ZBTB21: variants seen among roughly 807,000 people sequenced by gnomAD.
ZBTB21 encodes zinc finger and BTB domain containing 21.
Under a neutral mutation model 39.8 loss-of-function variants are expected in ZBTB21, and 10 were observed. That is an observed-to-expected ratio of 0.25 (90% CI 0.16 to 0.43). ZBTB21 has a LOEUF of 0.43. ZBTB21 is among the 20% of genes least tolerant of loss of function. The pLI, the probability that ZBTB21 is intolerant of heterozygous loss-of-function variation, is 1.00. For missense variants in ZBTB21, 1,221 were observed against 1,296.3 expected, an observed-to-expected ratio of 0.94 and a Z score of 0.89; for synonymous variants, 551 against 498.8, an observed-to-expected ratio of 1.10 and a Z score of -1.40.
chr21:41,992,773 C>G lies in ZBTB21; in HGVS notation c.1323G>C (p.Ser441=). 1.2e-6 allele frequency: 2 copies of G among 1,614,036 alleles called. No individual in the cohort carries two copies. The highest frequency in any genetic ancestry group is 1.7e-6 in the Non-Finnish European group (2 of 1,180,034). The change falls in exon 3 of 3, where the codon TCG becomes TCC. Residue 441 remains serine, a synonymous_variant. Coordinates refer to ENST00000310826, the MANE Select transcript of ZBTB21 (RefSeq NM_001098402.2). The surrounding 1 kb of genome is among the most constrained non-coding windows in gnomAD (Gnocchi z 4.1). ...CTCCCACAGTGACGCGGATGATGTC[C>G]GAGGGGTCCGACAGCGGGCTGCTGG... ...TEPSSPLSDP[S]DIIRVTVGDA... is the part of the protein sequence containing the mutation.
At chr21:41,999,991 G>A (rs936698643) in intron 2 of ZBTB21, among the ~76,000 whole-genome samples, 1 of 152,190 alleles carries the variant, frequency 6.6e-6, no homozygotes, top group South Asian at 2.1e-4. Flanking sequence ...ACAACAGAGG[G>A]TAGGTTATGG....
In ZBTB21 at chr21:41,991,581, C is replaced by A. The variant is rs553654791; in HGVS notation, c.2515G>T (p.Val839Phe). The stretch of plus-strand genomic sequence containing the variant: ...AACACGTTGTCGTCTTTTGTGGTGA[C>A]GATGTGGTTTACTTTGTTGGGCTCA... ...QPEPNKVNHI[V>F]TTKDDNVFSD... is the part of the protein sequence containing the mutation. The change falls in exon 3 of 3, where the codon GTC becomes TTC. Residue 839 changes from valine to phenylalanine, a missense_variant. Around this residue, in one of 4 missense-constraint regions of ZBTB21, gnomAD observed 523 missense variants for 542.5 expected, o/e 0.96. Transcript: ENST00000310826. The surrounding 1 kb of genome is among the most constrained non-coding windows in gnomAD (Gnocchi z 4.9). 1 of 1,614,128 alleles carries A rather than the reference C, an allele frequency of 6.2e-7. No individual in the cohort carries two copies. The highest frequency in any genetic ancestry group is 2.2e-5 in the East Asian group (1 of 44,874).
Position 41,993,435 on chromosome 21 carries a change from C to CA in ZBTB21, c.660dup (p.Glu221Ter). The CA allele has an allele frequency of 6.2e-7, 1 of 1,614,188 alleles. No individual in the cohort carries two copies. On this transcript the variant is annotated frameshift_variant, in exon 3 of 3. Transcript: ENST00000310826. LOFTEE classifies it low-confidence loss of function (END_TRUNC). ...GGATCATCCAAAGATCCAGAATGCT[C>CA]AAGAGACTTTGCATATACCACAGAA...
At position 42,007,935 on chromosome 21, in the gene ZBTB21, C is replaced by CT. The variant is rs1240148179; in HGVS notation, c.-79+2316dup. ...GACGATGATTCCCAAATCTGTATCT[C>CT]TGTTTAGACTCTTGAGGCTCCAGCC... On this transcript the variant is annotated intron_variant, in intron 1 of 2. Coordinates refer to ENST00000310826, the MANE Select transcript of ZBTB21 (RefSeq NM_001098402.2). The CT allele has an allele frequency of 2.0e-5, 3 of 152,308 alleles. No individual in the cohort carries two copies. In the East Asian group the frequency reaches 5.8e-4, roughly 29 times the overall value. 9.4% of individuals were successfully genotyped at this position (152,308 alleles called of 1,614,324 possible).
At position 41,992,146 on chromosome 21, in the gene ZBTB21, A is replaced by C. The variant is rs757366582; in HGVS notation, c.1950T>G (p.Ser650Arg). ...RRGKPGFQGQ[S>R]SSQAQQVIKR... is the part of the protein sequence containing the mutation. ...TGATGACTTGCTGTGCTTGGGAGCT[A>C]CTCTGTCCCTGAAAACCAGGCTTGC... The change falls in exon 3 of 3, where the codon AGT becomes AGG. Residue 650 changes from serine to arginine, a missense_variant. Physicochemically the swap from Ser to Arg is moderately radical, Grantham distance 110. This residue lies in a region of ZBTB21 where 523 missense variants were observed against 542.5 expected (regional missense o/e 0.96). Transcript: ENST00000310826. The surrounding 1 kb of genome is among the most constrained non-coding windows in gnomAD (Gnocchi z 4.1). 1.3e-5 allele frequency: 21 copies of C among 1,613,986 alleles called. No individual in the cohort carries two copies. Among genetic ancestry groups the C allele is most frequent in the Non-Finnish European group, 1.7e-5 (20 of 1,180,022 alleles).
At chr21:42,003,449 T>C (rs569086809) in intron 1 of ZBTB21, among the ~76,000 whole-genome samples, 102 of 152,238 alleles carry the variant, frequency 6.7e-4, no homozygotes, top group African/African-American at 2.3e-3. Flanking sequence ...AGCAATTAAT[T>C]TGGCCAGGGT....
intron 2 of ZBTB21, among the ~76,000 whole-genome samples, chr21:41,996,856 T>C (rs1456965983): frequency 6.6e-6 from 1 of 152,176 alleles, no homozygotes; most frequent in African/African-American, 2.4e-5. Flanking sequence ...AGTGAATAAA[T>C]CTCAGGAGAG....
chr21:42,000,982 T>G (rs982141766), intron 2 of ZBTB21, among the ~76,000 whole-genome samples: 1 of 152,194 alleles, frequency 6.6e-6, no homozygotes, highest in Non-Finnish European at 1.5e-5. Context: ...CAGCTAAAAT[T>G]TGGGTGTTTA....
chr21:41,992,017 T>C lies in ZBTB21; in HGVS notation c.2079A>G (p.Pro693=). 1 of 1,614,272 alleles carries C rather than the reference T, an allele frequency of 6.2e-7. No homozygotes were observed. Reference sequence around the variant, plus strand: ...TATTTACTCCAAGGGGTTTTTCTCCTGGATGCATTTTTATATGCTGCTTAA... The same window carrying C: ...TATTTACTCCAAGGGGTTTTTCTCCCGGATGCATTTTTATATGCTGCTTAA... ...SQFKQHIKMH[P]GEKPLGVNKV... is the part of the protein sequence containing the mutation. Residue 693 remains proline (P), a synonymous_variant, in exon 3 of 3, where the codon CCA becomes CCG. Transcript: ENST00000310826. The surrounding 1 kb of genome is among the most constrained non-coding windows in gnomAD (Gnocchi z 4.1).
At chr21:41,999,519 C>T (rs1050300316) in intron 2 of ZBTB21, among the ~76,000 whole-genome samples, 1 of 152,180 alleles carries the variant, frequency 6.6e-6, no homozygotes, top group Non-Finnish European at 1.5e-5. Flanking sequence ...CAGTTTACCT[C>T]GCCATAAAAT....
chr21:41,997,567 C>T (rs542171709), intron 2 of ZBTB21, among the ~76,000 whole-genome samples: 4 of 132,654 alleles, frequency 3.0e-5, no homozygotes, highest in South Asian at 2.4e-4. Flanking sequence ...CAGAGCAAGA[C>T]GTTGTCTCAA....
At chr21:42,009,882 G>C (rs373669936) in intron 1 of ZBTB21, among the ~76,000 whole-genome samples, 2 of 152,194 alleles carry the variant, frequency 1.3e-5, no homozygotes, top group South Asian at 2.1e-4. Context: ...CGTTTCAACC[G>C]CTCCGCGCGA....
Position 41,989,571 on chromosome 21 carries a change from G to GA in ZBTB21, c.*1323dup, listed in dbSNP as rs2065623345. The GA allele has an allele frequency of 1.3e-5, 2 of 152,012 alleles. No individual in the cohort carries two copies. Among genetic ancestry groups the GA allele is most frequent in the African/African-American group, 4.8e-5 (2 of 41,384 alleles). 9.4% of individuals were successfully genotyped at this position (152,012 alleles called of 1,614,324 possible). On this transcript the variant is annotated 3_prime_UTR_variant, in exon 3 of 3. Coordinates refer to ENST00000310826, the MANE Select transcript of ZBTB21 (RefSeq NM_001098402.2). ...CACATTGAACTTTGGATATCCTACT[G>GA]AAAGGCTTTCAATTACAAATTATAC... is the stretch of plus-strand genomic sequence containing the variant.
chr21:41,987,670 A>G lies in ZBTB21; in HGVS notation c.*3225T>C, dbSNP rs2065595990. The G allele has an allele frequency of 6.6e-6, 1 of 152,208 alleles. No individual in the cohort carries two copies. 9.4% of individuals were successfully genotyped at this position (152,208 alleles called of 1,614,324 possible). A position where few individuals can be genotyped will look rare whatever the true frequency, so the allele number is the denominator to read the frequency against. On this transcript the variant is annotated 3_prime_UTR_variant, in exon 3 of 3. Coordinates refer to ENST00000310826, the MANE Select transcript of ZBTB21 (RefSeq NM_001098402.2). ...AATTACTTTTTACTAAGAAACTTCA[A>G]ATAATTTTACTTCCTGAAGTTCCAG...
At position 41,991,625 on chromosome 21, in the gene ZBTB21, G is replaced by T; in HGVS notation, c.2471C>A (p.Ser824Ter). 1 of 1,614,188 alleles carries T rather than the reference G, an allele frequency of 6.2e-7. No individual in the cohort carries two copies. The highest frequency in any genetic ancestry group is 8.5e-7 in the Non-Finnish European group (1 of 1,180,036). ...GGGCTCAGGCTGGGATTGGGGCCTT[G>T]AAGAACCAGTCACATCACCATTGTG... Reference protein sequence around the residue: ...LDHNGDVTGSSRPQSQPEPNK... With the variant: ...LDHNGDVTGS Residue 824 changes from serine to a stop codon, truncating the protein, a stop_gained, in exon 3 of 3, where the codon TCA becomes TAA. Coordinates refer to ENST00000310826, the MANE Select transcript of ZBTB21 (RefSeq NM_001098402.2). LOFTEE classifies it low-confidence loss of function (END_TRUNC). This position sits in a 1 kb window ranked among gnomAD's most constrained non-coding sequence, Gnocchi z 4.9.
In ZBTB21 at chr21:41,991,058, G is replaced by A; in HGVS notation, c.3038C>T (p.Pro1013Leu). The change falls in exon 3 of 3, where the codon CCA (proline) becomes CTA (leucine). Residue 1013 changes from proline to leucine, a missense_variant. This residue lies in a region of ZBTB21 where 523 missense variants were observed against 542.5 expected (regional missense o/e 0.96). Coordinates refer to ENST00000310826, the MANE Select transcript of ZBTB21 (RefSeq NM_001098402.2). The surrounding 1 kb of genome is among the most constrained non-coding windows in gnomAD (Gnocchi z 4.9). ...SPTGLSENPTPATEKLFVPQE... is the reference protein window; with the variant it reads ...SPTGLSENPTLATEKLFVPQE... ...GGGCACAAACAGTTTTTCTGTGGCT[G>A]GAGTTGGGTTTTCGGACAGGCCTGT... The A allele has an allele frequency of 6.3e-7, 1 of 1,592,324 alleles. No individual in the cohort carries two copies.
chr21:41,991,940 T>C lies in ZBTB21; in HGVS notation c.2156A>G (p.Lys719Arg). 2 of 1,614,062 alleles carry C rather than the reference T, an allele frequency of 1.2e-6. No homozygotes were observed. Among genetic ancestry groups the C allele is most frequent in the South Asian group, 1.1e-5 (1 of 91,082 alleles). Residue 719 changes from lysine to arginine, a missense_variant, in exon 3 of 3, where the codon AAG becomes AGG. Physicochemically the swap from Lys to Arg is conservative, Grantham distance 26. Transcript: ENST00000310826. The surrounding 1 kb of genome is among the most constrained non-coding windows in gnomAD (Gnocchi z 4.9). Reference protein sequence around the residue: ...HAPLASPVENKEVYQCRLCNA... With the variant: ...HAPLASPVENREVYQCRLCNA... ...ACAGAGGCGGCACTGGTAAACCTCC[T>C]TGTTTTCTACTGGACTTGCAAGAGG...
rs1175731447 is a variant in ZBTB21 at position 41,989,189 on chromosome 21, T to G, written c.*1706A>C. The G allele has an allele frequency of 1.3e-5, 2 of 150,298 alleles. No homozygotes were observed. The highest frequency in any genetic ancestry group is 3.9e-4 in the East Asian group (2 of 5,184). The allele number at this position is 150,298 out of a possible 1,614,324, so 9.3% of individuals were successfully genotyped here. Reference sequence around the variant, plus strand: ...ACTAAAATATTGTGGAATTTTGGAGTTTTTTCAAGTGAAAGAATACAAGGC... The same window carrying G: ...ACTAAAATATTGTGGAATTTTGGAGGTTTTTCAAGTGAAAGAATACAAGGC... On this transcript the variant is annotated 3_prime_UTR_variant, in exon 3 of 3. Coordinates refer to ENST00000310826, the MANE Select transcript of ZBTB21 (RefSeq NM_001098402.2).
Position 41,992,512 on chromosome 21 carries a change from A to G in ZBTB21, c.1584T>C (p.Asp528=), listed in dbSNP as rs1303343718. The G allele has an allele frequency of 6.2e-7, 1 of 1,614,192 alleles. No homozygotes were observed. The highest frequency in any genetic ancestry group is 1.7e-5 in the Admixed American group (1 of 60,018). ...ACTCACCAAATTCGTCTTTATTCAAATCAGAATCTGGAAAATCTGCATCAA... is the reference window on the plus strand; with the variant it reads ...ACTCACCAAATTCGTCTTTATTCAAGTCAGAATCTGGAAAATCTGCATCAA... ...TLLDADFPDS[D]LNKDEFGELE... The change falls in exon 3 of 3, where the codon GAT becomes GAC. Residue 528 remains aspartate, a synonymous_variant. Transcript: ENST00000310826. This position sits in a 1 kb window ranked among gnomAD's most constrained non-coding sequence, Gnocchi z 4.1.
Sources: allele counts gnomAD v4.1 joint callset (sites outside exome capture counted in the v4.1 genomes callset), GRCh38; gene constraint gnomAD v4.1.1; regional missense constraint gnomAD v4.1.1; non-coding constraint Gnocchi (gnomAD v3.1); transcripts MANE v1.5; gene names NCBI Gene and HGNC (gene_info 2026-07-23, HGNC 2026-07-21).